Variants in ZYG11B observed in about 807,000 individuals in gnomAD.
The protein encoded by ZYG11B is protein zyg-11 homolog B.
Under a neutral mutation model 82.4 loss-of-function variants are expected in ZYG11B, and 36 were observed. That is an observed-to-expected ratio of 0.44 (90% CI 0.33 to 0.58). The LOEUF (loss-of-function observed/expected upper bound fraction) is 0.58. ZYG11B is among the 20% of genes least tolerant of loss of function. The pLI is 0.02. For synonymous variants in ZYG11B, 303 were observed against 312.8 expected (o/e 0.97, Z 0.33); for missense variants, 552 against 895.6 (o/e 0.62, Z 4.90).
Position 52,789,993 on chromosome 1 carries a change from G to A in ZYG11B, c.1270-10G>A. ...TTATTTAGGATTTTTTTCTTCCTTT[G>A]ATTCTTTAGTTACAGAAGAATTGCC... On this transcript the variant is annotated splice_polypyrimidine_tract_variant and intron_variant, in intron 5 of 13. Coordinates refer to ENST00000294353, the MANE Select transcript of ZYG11B (RefSeq NM_024646.3). 1.3e-6 allele frequency: 2 copies of A among 1,548,174 alleles called. No individual in the cohort carries two copies. Among genetic ancestry groups the A allele is most frequent in the Non-Finnish European group, 1.7e-6 (2 of 1,143,394 alleles).
In ZYG11B at chr1:52,774,609, A is replaced by ATTTTTTT. The variant is rs35043109; in HGVS notation, c.951+2855_951+2861dup. Among the ~76,000 whole-genome samples the ATTTTTTT allele has an allele frequency of 1.2e-3, 129 of 111,102 alleles. 4 individuals carry two copies. The highest frequency in any genetic ancestry group is 4.8e-3 in the African/African-American group (99 of 20,544). 72.9% of individuals were successfully genotyped at this position (111,102 alleles called of 152,430 possible). A position where few individuals can be genotyped will look rare whatever the true frequency, so the allele number is the denominator to read the frequency against. ...GGCGTGAGCCACTGTGCCTGGCCTA[A>ATTTTTTT]TTTTTTTTTTTTTTTTTTTTTTTTT... On this transcript the variant is annotated intron_variant, in intron 3 of 13. Transcript: ENST00000294353.
intron 10 of ZYG11B, among the ~76,000 whole-genome samples, chr1:52,809,366 A>G (rs974349274): frequency 5.9e-5 from 9 of 151,984 alleles, no homozygotes; most frequent in African/African-American, 1.2e-4. Flanking sequence ...CCACCATTCT[A>G]TTTTCTGTCT....
chr1:52,756,815 CTTT>C (rs57189955), intron 2 of ZYG11B, among the ~76,000 whole-genome samples, 192 bp downstream of exon 2: 1 of 132,564 alleles, frequency 7.5e-6, no homozygotes, highest in Admixed American at 7.7e-5. Flanking sequence ...AAACATTTTT[CTTT>C]TTTTTTTTTT....
intron 10 of ZYG11B, among the ~76,000 whole-genome samples, chr1:52,812,784 T>A (rs1645194686): frequency 6.6e-6 from 1 of 152,072 alleles, no homozygotes; most frequent in African/African-American, 2.4e-5. Flanking sequence ...TGGAGTGCAG[T>A]GGTGGGATCT....
Position 52,822,717 on chromosome 1 carries a change from C to T in ZYG11B, c.*1088C>T, listed in dbSNP as rs1055776488. 1 of 152,194 alleles carries T rather than the reference C, an allele frequency of 6.6e-6. No homozygotes were observed. Among genetic ancestry groups the T allele is most frequent in the Admixed American group, 6.6e-5 (1 of 15,264 alleles). The allele number at this position is 152,194 out of a possible 1,614,324, so 9.4% of individuals were successfully genotyped here. A position where few individuals can be genotyped will look rare whatever the true frequency, so the allele number is the denominator to read the frequency against. On this transcript the variant is annotated 3_prime_UTR_variant, in exon 14 of 14. Coordinates refer to ENST00000294353, the MANE Select transcript of ZYG11B (RefSeq NM_024646.3). ...AAAAATGAAAGAAAATAATTAAACT[C>T]TTTAAATGATTAAATGTAATGATTC... is the stretch of plus-strand genomic sequence containing the variant.
Position 52,779,876 on chromosome 1 carries a change from TC to T in ZYG11B, c.976del (p.Gln326ArgfsTer6). 1 of 1,613,994 alleles carries T rather than the reference TC, an allele frequency of 6.2e-7. No individual in the cohort carries two copies. The highest frequency in any genetic ancestry group is 8.5e-7 in the Non-Finnish European group (1 of 1,179,976). ...AGGTGTCTGGGGAAGCCAATGAAAC[TC>T]AGATTGCAGAAGCACTGAAGCGTTA... Reference protein sequence around the residue: ...LKVSGEANETQIAEALKRYSE... With the variant: ...LKVSGEANETXIAEALKRYSE... On this transcript the variant is annotated frameshift_variant, in exon 4 of 14. Transcript: ENST00000294353. LOFTEE classifies it high-confidence loss of function.
At chr1:52,777,376 T>TTAA (rs1368377081) in intron 3 of ZYG11B, among the ~76,000 whole-genome samples, 1 of 152,192 alleles carries the variant, frequency 6.6e-6, no homozygotes, top group African/African-American at 2.4e-5. Context: ...ATCCTATTAA[T>TTAA]GGTTGAAATG....
intron 4 of ZYG11B, among the ~76,000 whole-genome samples, chr1:52,783,051 C>G (rs1200404539): frequency 2.0e-5 from 3 of 151,900 alleles, no homozygotes; most frequent in African/African-American, 4.8e-5. Flanking sequence ...CTCAGCCTCC[C>G]GAGTAGCTGA....
intron 3 of ZYG11B, chr1:52,772,290 G>T (rs1644759649): frequency 7.5e-7 from 1 of 1,341,344 alleles, no homozygotes; most frequent in Non-Finnish European, 1.1e-6. Flanking sequence ...GGTGAATCTG[G>T]CTCTCTATCA....
chr1:52,776,950 C>T (rs2149942756), intron 3 of ZYG11B, among the ~76,000 whole-genome samples: 1 of 152,250 alleles, frequency 6.6e-6, no homozygotes, highest in Non-Finnish European at 1.5e-5. Flanking sequence ...TGGCTCATGC[C>T]TGTAATCCCA....
At chr1:52,797,056 A>AT (rs1645020602) in intron 8 of ZYG11B, among the ~76,000 whole-genome samples, 69 of 83,064 alleles carry the variant, frequency 8.3e-4, no homozygotes, top group African/African-American at 3.7e-3. Flanking sequence ...TTTATATATT[A>AT]TATATATTTA....
At chr1:52,803,241 C>CATAT (rs1645106834) in intron 10 of ZYG11B, among the ~76,000 whole-genome samples, 2 of 41,018 alleles carry the variant, frequency 4.9e-5, no homozygotes, top group Admixed American at 3.5e-4. Context: ...TATATATATA[C>CATAT]ACACACACAT....
At chr1:52,767,787 G>T (rs916192049) in intron 2 of ZYG11B, among the ~76,000 whole-genome samples, 5 of 152,170 alleles carry the variant, frequency 3.3e-5, no homozygotes, top group Non-Finnish European at 5.9e-5. Context: ...ATGTTGGGAG[G>T]AGGTGGCCTC....
At chr1:52,761,978 T>C (rs1408038275) in intron 2 of ZYG11B, among the ~76,000 whole-genome samples, 1 of 152,206 alleles carries the variant, frequency 6.6e-6, no homozygotes, top group East Asian at 1.9e-4. Context: ...TTGAGAAATA[T>C]CTATTCAGGT....
Position 52,827,059 on chromosome 1 carries a change from C to T in ZYG11B, c.*5430C>T, listed in dbSNP as rs900628868. The T allele has an allele frequency of 4.6e-5, 7 of 152,276 alleles. No homozygotes were observed. Among genetic ancestry groups the T allele is most frequent in the African/African-American group, 1.7e-4 (7 of 41,560 alleles). The allele number at this position is 152,276 out of a possible 1,614,324, so 9.4% of individuals were successfully genotyped here. Reference sequence around the variant, plus strand: ...ATTCCCACTGTCAAATTCTCACTGACTTATGAGTGTGAGAGAAGTTATCTT... The same window carrying T: ...ATTCCCACTGTCAAATTCTCACTGATTTATGAGTGTGAGAGAAGTTATCTT... On this transcript the variant is annotated 3_prime_UTR_variant, in exon 14 of 14. Coordinates refer to ENST00000294353, the MANE Select transcript of ZYG11B (RefSeq NM_024646.3).
chr1:52,799,998 G>T (rs189417005), intron 8 of ZYG11B, among the ~76,000 whole-genome samples: 1 of 152,084 alleles, frequency 6.6e-6, no homozygotes, highest in East Asian at 1.9e-4. Flanking sequence ...AAGATTAAAT[G>T]AAAAGAAAAG....
At chr1:52,792,891 A>G (rs924423786) in intron 6 of ZYG11B, among the ~76,000 whole-genome samples, 1 of 152,118 alleles carries the variant, frequency 6.6e-6, no homozygotes, top group Non-Finnish European at 1.5e-5. Context: ...CCCAGGCTAG[A>G]GTGCAATAGC....
At chr1:52,734,572 C>T (rs527790265) in intron 1 of ZYG11B, among the ~76,000 whole-genome samples, 5 of 151,132 alleles carry the variant, frequency 3.3e-5, no homozygotes, top group African/African-American at 4.8e-5. Context: ...ACCACTTGAA[C>T]CTGGGAGGCG....
chr1:52,770,117 G>A (rs1449027877), intron 2 of ZYG11B, among the ~76,000 whole-genome samples: 3 of 138,438 alleles, frequency 2.2e-5, no homozygotes, highest in African/African-American at 7.9e-5. Flanking sequence ...TCAGAGACAG[G>A]TTCTCACTCT....
Sources: gnomAD v4.1 joint callset for allele counts (sites outside exome capture counted in the v4.1 genomes callset) on GRCh38, gnomAD v4.1.1 for gene constraint, MANE v1.5 for transcripts, NCBI Gene and HGNC (gene_info 2026-07-23, HGNC 2026-07-21) for gene names.